Variants in FMN2 observed in about 807,000 individuals in gnomAD.
FMN2 encodes formin-2.
FMN2 carries 51 observed loss-of-function variants against 142.3 expected under a neutral mutation model. The ratio of observed to expected loss-of-function variants is 0.36; its 90% CI spans 0.29 to 0.45. FMN2 has a LOEUF of 0.45. Among genes scored for constraint, FMN2 ranks in the 20% least tolerant of loss-of-function variants. The probability of loss-of-function intolerance (pLI) is 1.00; values close to 1 mark genes in which losing one functional copy is unlikely to be tolerated. For missense variants in FMN2, 1,936 were observed against 2,122.8 expected (o/e 0.91, Z 1.73); for synonymous variants, 882 against 869.8 (o/e 1.01, Z -0.25).
chr1:240,181,188 G>A (rs1319265604), intron 3 of FMN2, among the ~76,000 whole-genome samples: 1 of 151,746 alleles, frequency 6.6e-6, no homozygotes, highest in Non-Finnish European at 1.5e-5. Context: ...TATTTTTGTA[G>A]AAACGGGGTT....
At chr1:240,216,412 C>T (rs1666898008) in intron 6 of FMN2, among the ~76,000 whole-genome samples, 3 of 152,262 alleles carry the variant, frequency 2.0e-5, no homozygotes, top group Admixed American at 2.0e-4. Context: ...TGACATTGGT[C>T]TAACCATTTA....
intron 16 of FMN2, among the ~76,000 whole-genome samples, chr1:240,468,340 G>A (rs371871941): frequency 1.5e-4 from 13 of 88,726 alleles, no homozygotes; most frequent in Admixed American, 1.2e-3. Flanking sequence ...ACATATATAC[G>A]TATATATATC....
chr1:240,370,608 C>T (rs563857620), intron 14 of FMN2, among the ~76,000 whole-genome samples: 5 of 152,278 alleles, frequency 3.3e-5, no homozygotes, highest in African/African-American at 9.6e-5. Flanking sequence ...CCCTTGCCAT[C>T]CTTGCTTTCC....
chr1:240,470,016 G>A (rs1425902529), intron 16 of FMN2, among the ~76,000 whole-genome samples: 6 of 152,092 alleles, frequency 3.9e-5, no homozygotes, highest in Admixed American at 1.3e-4. Context: ...AAAAATGTTT[G>A]TATTAGACTC....
chr1:240,184,819 T>A (rs569818551), intron 3 of FMN2, among the ~76,000 whole-genome samples: 4 of 151,892 alleles, frequency 2.6e-5, no homozygotes, highest in African/African-American at 9.7e-5. Context: ...GGAACTAGGC[T>A]GATATCTCAG....
intron 2 of FMN2, among the ~76,000 whole-genome samples, chr1:240,124,335 G>A (rs1662413785): frequency 1.3e-5 from 2 of 152,116 alleles, no homozygotes; most frequent in Non-Finnish European, 2.9e-5. Context: ...GCTATTTTGT[G>A]CGTTCCTAAC....
At chr1:240,318,864 G>C (rs1670876380) in intron 8 of FMN2, among the ~76,000 whole-genome samples, 1 of 152,116 alleles carries the variant, frequency 6.6e-6, no homozygotes, top group African/African-American at 2.4e-5. Flanking sequence ...AGTGAAATAT[G>C]AGTAGATGTT....
At chr1:240,131,704 G>T (rs1320698677) in intron 2 of FMN2, among the ~76,000 whole-genome samples, 1 of 151,606 alleles carries the variant, frequency 6.6e-6, no homozygotes, top group Admixed American at 6.6e-5. Flanking sequence ...GCGAGACTCT[G>T]TCTCAAAAAG....
intron 6 of FMN2, among the ~76,000 whole-genome samples, chr1:240,224,729 A>G (rs1459224973): frequency 6.6e-6 from 1 of 152,182 alleles, no homozygotes; most frequent in Non-Finnish European, 1.5e-5. Flanking sequence ...GATGACAAGT[A>G]TTGCCAAGGA....
chr1:240,453,943 T>C lies in FMN2; in HGVS notation c.5060+15733T>C, dbSNP rs1427033409. 2.8e-4 allele frequency among the ~76,000 whole-genome samples: 3 copies of C among 10,592 alleles called. 1 individual carries two copies. The highest frequency in any genetic ancestry group is 1.3e-3 in the Admixed American group (1 of 768). 6.9% of individuals were successfully genotyped at this position (10,592 alleles called of 152,430 possible). On this transcript the variant is annotated intron_variant, in intron 16 of 17. Transcript: ENST00000319653. ...AGCGGAGCTTGCAGTGAGCCGAGAT[T>C]GCGCCACTGCAGTCCGCAGTCCGGC... is the stretch of plus-strand genomic sequence containing the variant.
chr1:240,461,361 A>T (rs1301502264), intron 16 of FMN2, among the ~76,000 whole-genome samples: 8 of 152,110 alleles, frequency 5.3e-5, no homozygotes, highest in African/African-American at 1.7e-4. Context: ...GGAGATGGTT[A>T]TCTGTAAGCT....
chr1:240,464,786 T>C (rs1676559576), intron 16 of FMN2, among the ~76,000 whole-genome samples: 1 of 152,198 alleles, frequency 6.6e-6, no homozygotes, highest in Non-Finnish European at 1.5e-5. Context: ...GCCACATTCC[T>C]GTAGTCCCTC....
chr1:240,385,087 G>A (rs1673365468), intron 14 of FMN2, among the ~76,000 whole-genome samples: 1 of 152,130 alleles, frequency 6.6e-6, no homozygotes, highest in African/African-American at 2.4e-5. Flanking sequence ...TTGTCTGTAG[G>A]ATTGGAATGA....
At chr1:240,199,992 A>C (rs896254008) in intron 4 of FMN2, among the ~76,000 whole-genome samples, 1 of 152,172 alleles carries the variant, frequency 6.6e-6, no homozygotes, top group Non-Finnish European at 1.5e-5. Context: ...CTTTCTGAAA[A>C]CTGTAGAAGG....
chr1:240,315,096 TA>T (rs1405869753), intron 8 of FMN2, among the ~76,000 whole-genome samples: 1 of 152,310 alleles, frequency 6.6e-6, no homozygotes, highest in East Asian at 1.9e-4. Context: ...CCTGATGCCA[TA>T]AATGTTCACT....
At chr1:240,302,137 A>G (rs890849631) in intron 8 of FMN2, among the ~76,000 whole-genome samples, 12 of 151,844 alleles carry the variant, frequency 7.9e-5, no homozygotes, top group South Asian at 4.1e-4. Context: ...CTTTTATTCA[A>G]CCTCTCAAAT....
intron 2 of FMN2, among the ~76,000 whole-genome samples, chr1:240,131,110 G>A (rs74149338): frequency 6.6e-6 from 1 of 152,108 alleles, no homozygotes; most frequent in Non-Finnish European, 1.5e-5. Context: ...TAGGTAAATG[G>A]CTGGATTTCT....
At chr1:240,199,941 C>T (rs1456661) in intron 4 of FMN2, among the ~76,000 whole-genome samples, 1 of 152,090 alleles carries the variant, frequency 6.6e-6, no homozygotes, top group Non-Finnish European at 1.5e-5. Context: ...ATTAGCTTTC[C>T]GTAAACTGTT....
intron 6 of FMN2, among the ~76,000 whole-genome samples, chr1:240,239,643 A>G (rs1267513727): frequency 1.3e-5 from 2 of 152,230 alleles, no homozygotes; most frequent in African/African-American, 2.4e-5. Flanking sequence ...TCACAGTGCT[A>G]AAAGCACCAG....
Sources: gnomAD v4.1 joint callset for allele counts (sites outside exome capture counted in the v4.1 genomes callset) on GRCh38, gnomAD v4.1.1 for gene constraint, MANE v1.5 for transcripts, NCBI Gene and HGNC (gene_info 2026-07-23, HGNC 2026-07-21) for gene names.